The following PLD1 variants were observed in gnomAD, a reference collection of about 807,000 sequenced individuals.
PLD1 encodes the protein phospholipase D1, also known as choline phosphatase 1.
PLD1 carries 112 observed loss-of-function variants against 137.1 expected under a neutral mutation model. The ratio of observed to expected loss-of-function variants is 0.82; its 90% CI spans 0.70 to 0.96. The LOEUF (loss-of-function observed/expected upper bound fraction) is 0.96. Ranked by LOEUF, PLD1 falls within the 40% of genes least tolerant of loss-of-function variation. The probability of loss-of-function intolerance (pLI) is 0.00; values close to 1 mark genes in which losing one functional copy is unlikely to be tolerated. For synonymous variants in PLD1, 431 were observed against 454.7 expected (o/e 0.95, Z 0.66); for missense variants, 1,321 against 1,342.0 (o/e 0.98, Z 0.24).
At chr3:171,696,810 A>G (rs1425001889) in intron 12 of PLD1, among the ~76,000 whole-genome samples, 1 of 152,246 alleles carries the variant, frequency 6.6e-6, no homozygotes, top group African/African-American at 2.4e-5. Context: ...ATCAATCTTT[A>G]ATTGTATTAC....
chr3:171,688,552 T>C, intron 14 of PLD1, 124 bp downstream of exon 14: 3 of 768,294 alleles, frequency 3.9e-6, no homozygotes, highest in Non-Finnish European at 6.6e-6. Context: ...TGACTTAAAA[T>C]GTTCTTTTCC....
chr3:171,660,553 A>G (rs183516243), intron 20 of PLD1, among the ~76,000 whole-genome samples: 1 of 152,210 alleles, frequency 6.6e-6, no homozygotes, highest in African/African-American at 2.4e-5. Context: ...CGTTACTGAC[A>G]TCATTTAATA....
intron 23 of PLD1, among the ~76,000 whole-genome samples, chr3:171,621,930 C>T (rs1007237623): frequency 6.6e-6 from 1 of 152,092 alleles, no homozygotes; most frequent in African/African-American, 2.4e-5. Context: ...TCAAGTTATT[C>T]TACTGTTGTA....
At chr3:171,699,885 G>A in intron 11 of PLD1, 59 bp from the exon 12 acceptor site, 1 of 1,386,800 alleles carries the variant, frequency 7.2e-7, no homozygotes. Flanking sequence ...TTCTGATTGT[G>A]TCATAGGAAG....
intron 13 of PLD1, among the ~76,000 whole-genome samples, chr3:171,691,753 T>C (rs7652423): frequency 0.06 from 9,075 of 152,216 alleles, 853 homozygotes; most frequent in African/African-American, 0.2. Context: ...AAACATACAA[T>C]TGTTACATAT....
At chr3:171,804,499 A>C (rs1723768880) in intron 1 of PLD1, among the ~76,000 whole-genome samples, 1 of 152,254 alleles carries the variant, frequency 6.6e-6, no homozygotes, top group Non-Finnish European at 1.5e-5. Context: ...TGTACACTAC[A>C]ATGGACACTG....
chr3:171,652,329 C>T (rs527918102), intron 21 of PLD1, among the ~76,000 whole-genome samples: 48 of 149,892 alleles, frequency 3.2e-4, no homozygotes, highest in Non-Finnish European at 4.3e-4. Flanking sequence ...AGGAGAATGG[C>T]GTGAACCCAG....
At chr3:171,754,232 A>G (rs1424227021) in intron 1 of PLD1, among the ~76,000 whole-genome samples, 1 of 152,176 alleles carries the variant, frequency 6.6e-6, no homozygotes, top group Non-Finnish European at 1.5e-5. Flanking sequence ...CTGTTTCTGA[A>G]TGAATCAAAT....
chr3:171,613,424 G>C lies in PLD1; in HGVS notation c.2729-992C>G, dbSNP rs113934359. On this transcript the variant is annotated intron_variant, in intron 24 of 26. Coordinates refer to ENST00000351298, the MANE Select transcript of PLD1 (RefSeq NM_002662.5). ...GCCTACCAGTTCAGTAGGAAAGATGGCTTTGCTTTTGGAGTTAAGAATCAG... is the reference window on the plus strand; with the variant it reads ...GCCTACCAGTTCAGTAGGAAAGATGCCTTTGCTTTTGGAGTTAAGAATCAG... Among the ~76,000 whole-genome samples the C allele has an allele frequency of 6.8e-3, 1,042 of 152,164 alleles. 11 individuals are homozygous for C. The highest frequency in any genetic ancestry group is 0.02 in the African/African-American group (823 of 41,530).
At chr3:171,735,429 C>G (rs778313098) in intron 4 of PLD1, 63 bp downstream of exon 4, 103 of 1,421,472 alleles carry the variant, frequency 7.2e-5, no homozygotes, top group Non-Finnish European at 9.4e-5. Context: ...AGCTACCACA[C>G]CCAGACAAAA....
At chr3:171,747,226 G>A (rs919256582) in intron 1 of PLD1, among the ~76,000 whole-genome samples, 10 of 152,154 alleles carry the variant, frequency 6.6e-5, no homozygotes, top group African/African-American at 1.7e-4. Context: ...GGCTTCATTC[G>A]TGAAGTCAGT....
chr3:171,668,480 AT>A (rs1560197691), intron 19 of PLD1, among the ~76,000 whole-genome samples: 4 of 151,948 alleles, frequency 2.6e-5, no homozygotes, highest in Middle Eastern at 3.4e-3. Flanking sequence ...CGTGAAAACA[AT>A]TTTTTTTCAG....
At chr3:171,676,216 A>G (rs1713333625) in intron 18 of PLD1, among the ~76,000 whole-genome samples, 2 of 152,134 alleles carry the variant, frequency 1.3e-5, no homozygotes, top group South Asian at 2.1e-4. Context: ...TGAGGACACA[A>G]TCTGGATAAA....
chr3:171,809,523 C>A (rs534073896), intron 1 of PLD1: 5 of 152,156 alleles, frequency 3.3e-5, no homozygotes, highest in Non-Finnish European at 7.3e-5. Context: ...AACGGAACTC[C>A]CCATTTTGGA....
In PLD1 at chr3:171,612,469, G is replaced by A; in HGVS notation, c.2729-37C>T. ...AACAGTGAGGCTGAACAACCTTCCT[G>A]TTGTGGCAGACACTGTTGGTTGCCC... is the stretch of plus-strand genomic sequence containing the variant. On this transcript the variant is annotated intron_variant, in intron 24 of 26. Coordinates refer to ENST00000351298, the MANE Select transcript of PLD1 (RefSeq NM_002662.5). The surrounding 1 kb of genome is among the most constrained non-coding windows in gnomAD (Gnocchi z 4.1). 6.2e-7 allele frequency: 1 copy of A among 1,602,994 alleles called. No homozygotes were observed. The highest frequency in any genetic ancestry group is 8.5e-7 in the Non-Finnish European group (1 of 1,170,482).
chr3:171,707,826 G>A (rs1441997033), intron 11 of PLD1, among the ~76,000 whole-genome samples: 1 of 152,186 alleles, frequency 6.6e-6, no homozygotes, highest in African/African-American at 2.4e-5. Flanking sequence ...ACAGGGCAAA[G>A]GTTAAGAAAG....
chr3:171,619,451 A>T (rs1302008229), intron 24 of PLD1, among the ~76,000 whole-genome samples: 1 of 152,192 alleles, frequency 6.6e-6, no homozygotes, highest in East Asian at 1.9e-4. Flanking sequence ...TGTATCCTTG[A>T]CAAGAAATGA....
At chr3:171,708,403 C>G (rs1187096970) in intron 11 of PLD1, among the ~76,000 whole-genome samples, 1 of 152,120 alleles carries the variant, frequency 6.6e-6, no homozygotes, top group Non-Finnish European at 1.5e-5. Context: ...TATTCACTGG[C>G]CCTCATGACA....
intron 1 of PLD1, among the ~76,000 whole-genome samples, chr3:171,807,150 A>G (rs955776436): frequency 1.3e-5 from 2 of 152,174 alleles, no homozygotes; most frequent in African/African-American, 4.8e-5. Context: ...TTATAAAAAT[A>G]CAAACAAAAC....
Sources: gnomAD v4.1 joint callset for allele counts (sites outside exome capture counted in the v4.1 genomes callset) on GRCh38, gnomAD v4.1.1 for gene constraint, Gnocchi (gnomAD v3.1) non-coding constraint, MANE v1.5 for transcripts, NCBI Gene and HGNC (gene_info 2026-07-23, HGNC 2026-07-21) for gene names.